ANO4: variants seen among roughly 807,000 people sequenced by gnomAD.
The protein encoded by ANO4 is anoctamin 4.
ANO4 carries 69 observed loss-of-function variants against 141.9 expected under a neutral mutation model. The ratio of observed to expected loss-of-function variants is 0.49; its 90% CI spans 0.40 to 0.59. The LOEUF (loss-of-function observed/expected upper bound fraction) is 0.59, where lower values mean the gene tolerates loss of function less well. Among genes scored for constraint, ANO4 ranks in the 20% least tolerant of loss-of-function variants. ANO4 has a pLI of 0.00. For missense variants in ANO4, 894 were observed against 1,162.2 expected (o/e 0.77, Z 3.36); for synonymous variants, 350 against 394.3 (o/e 0.89, Z 1.33).
chr12:100,892,473 C>G (rs1251491714), intron 1 of ANO4, among the ~76,000 whole-genome samples: 1 of 152,174 alleles, frequency 6.6e-6, no homozygotes, highest in Non-Finnish European at 1.5e-5. Flanking sequence ...TGAACACTCT[C>G]CAGACAAAAT....
At chr12:100,900,532 A>G (rs186570542) in intron 1 of ANO4, among the ~76,000 whole-genome samples, 5 of 140,766 alleles carry the variant, frequency 3.6e-5, no homozygotes, top group East Asian at 2.1e-4. Flanking sequence ...GTTCCCACCT[A>G]TGAGTGAGAA....
At chr12:100,899,068 TATAGAG>T (rs1413922448) in intron 1 of ANO4, among the ~76,000 whole-genome samples, 7 of 152,106 alleles carry the variant, frequency 4.6e-5, no homozygotes, top group Admixed American at 2.0e-4. Context: ...CTGTCCTACT[TATAGAG>T]AGAGACCTCT....
At chr12:100,861,002 C>T (rs1040811869) in intron 1 of ANO4, among the ~76,000 whole-genome samples, 2 of 152,236 alleles carry the variant, frequency 1.3e-5, no homozygotes, top group East Asian at 1.9e-4. Context: ...TTGTGAAGAG[C>T]GAAAGAACAA....
At chr12:100,793,139 T>C (rs566788716), upstream of ANO4, among the ~76,000 whole-genome samples, 1 of 152,332 alleles carries the variant, frequency 6.6e-6, no homozygotes, top group South Asian at 2.1e-4. Flanking sequence ...GACTGTAAAC[T>C]TCTTGAAGGC....
intron 12 of ANO4, among the ~76,000 whole-genome samples, chr12:101,042,826 T>A (rs1183812650): frequency 1.3e-5 from 2 of 152,222 alleles, no homozygotes; most frequent in African/African-American, 4.8e-5. Context: ...TTATGAATTC[T>A]GTGTTTTTAC....
At chr12:100,886,862 A>G (rs1840672786) in intron 1 of ANO4, among the ~76,000 whole-genome samples, 1 of 152,168 alleles carries the variant, frequency 6.6e-6, no homozygotes, top group Non-Finnish European at 1.5e-5. Context: ...GAGATTACAT[A>G]GTCTACCTTG....
intron 22 of ANO4, among the ~76,000 whole-genome samples, chr12:101,101,227 C>A (rs1353539366): frequency 6.6e-6 from 1 of 152,200 alleles, no homozygotes; most frequent in Non-Finnish European, 1.5e-5. Flanking sequence ...TTCCTGACTT[C>A]TAACACCATA....
chr12:100,939,429 G>A lies in ANO4; in HGVS notation c.275G>A (p.Ser92Asn), dbSNP rs1172705821. Reference protein sequence around the residue: ...GNLTSTSDDASRLEAGGETVP... With the variant: ...GNLTSTSDDANRLEAGGETVP... ...CTGACTAGTACTTCAGATGATGCCA[G>A]CAGATTGGAAGCCGGGGGAGAGGTA... Residue 92 changes from serine (S) to asparagine (N), a missense_variant, in exon 4 of 28, where the codon AGC becomes AAC. Transcript: ENST00000392977. The A allele has an allele frequency of 1.2e-6, 2 of 1,613,462 alleles. No homozygotes were observed. Among genetic ancestry groups the A allele is most frequent in the African/African-American group, 1.3e-5 (1 of 74,904 alleles).
rs531215302 is a variant in ANO4, at chr12:100,901,733, G to A, written c.-53G>A. The stretch of plus-strand genomic sequence containing the variant: ...GCAAGCCGCCCAGCGTCACGTCGTC[G>A]CCTGCCTGTGGTCAGGCATTCCTCA... On this transcript the variant is annotated 5_prime_UTR_variant, in exon 2 of 28. Transcript: ENST00000392977. 1.0e-5 allele frequency: 16 copies of A among 1,551,770 alleles called. No homozygotes were observed. The highest frequency in any genetic ancestry group is 5.0e-5 in the Admixed American group (3 of 59,894).
intron 2 of ANO4, among the ~76,000 whole-genome samples, chr12:100,738,881 A>G (rs1284981038): frequency 6.6e-6 from 1 of 151,658 alleles, no homozygotes; most frequent in Non-Finnish European, 1.5e-5. Context: ...TCTAGTTCTC[A>G]TGCTGTATAT....
chr12:101,116,614 T>C, intron 24 of ANO4, 65 bp from the exon 25 acceptor site: 1 of 1,610,744 alleles, frequency 6.2e-7, no homozygotes, highest in East Asian at 2.2e-5. Context: ...AAGCAGGGTC[T>C]TCAGGGAACT....
chr12:100,942,549 T>C lies in ANO4; in HGVS notation c.456+14T>C. 1 of 1,608,428 alleles carries C rather than the reference T, an allele frequency of 6.2e-7. No individual in the cohort carries two copies. Among genetic ancestry groups the C allele is most frequent in the African/African-American group, 1.3e-5 (1 of 74,470 alleles). On this transcript the variant is annotated intron_variant, in intron 5 of 27. Coordinates refer to ENST00000392977, the MANE Select transcript of ANO4 (RefSeq NM_001286615.2). ...ATGGAGAAAGAGGTAAATAGTTTGC[T>C]TGGATGAGAAAAAAATATATACATA...
intron 3 of ANO4, among the ~76,000 whole-genome samples, chr12:100,750,207 T>C (rs549089612): frequency 6.6e-6 from 1 of 151,962 alleles, no homozygotes; most frequent in Non-Finnish European, 1.5e-5. Context: ...TGATCTTGGC[T>C]CACTGCAACT....
chr12:100,815,063 CAGAG>C (rs149346567), intron 1 of ANO4, among the ~76,000 whole-genome samples: 1 of 150,820 alleles, frequency 6.6e-6, no homozygotes, highest in East Asian at 1.9e-4. Flanking sequence ...GGGGGAGAAA[CAGAG>C]AGAGAGAGAG....
intron 14 of ANO4, chr12:101,069,287 A>G (rs944803711): frequency 2.4e-5 from 20 of 819,354 alleles, no homozygotes; most frequent in Non-Finnish European, 4.1e-5. Flanking sequence ...GCCAAACATC[A>G]CTTGCACTTA....
chr12:100,813,925 G>C (rs183107448), intron 1 of ANO4, among the ~76,000 whole-genome samples: 44 of 152,104 alleles, frequency 2.9e-4, no homozygotes, highest in African/African-American at 1.0e-3. Flanking sequence ...TGAATCTTTG[G>C]GCCATGCGTG....
chr12:101,051,003 C>A (rs998859183), intron 14 of ANO4, among the ~76,000 whole-genome samples: 11 of 152,202 alleles, frequency 7.2e-5, no homozygotes, highest in African/African-American at 2.4e-4. Flanking sequence ...TCACCAATTT[C>A]AAATATACTT....
chr12:101,068,560 AG>A, intron 14 of ANO4: 1 of 1,356,916 alleles, frequency 7.4e-7, no homozygotes, highest in Non-Finnish European at 1.1e-6. Flanking sequence ...AAAATACTAA[AG>A]AGATGTTTGG....
chr12:100,898,975 C>G (rs1593683246), intron 1 of ANO4, among the ~76,000 whole-genome samples: 1 of 152,140 alleles, frequency 6.6e-6, no homozygotes, highest in Non-Finnish European at 1.5e-5. Context: ...GGAACATGCA[C>G]CAGTGGCACA....
Sources: gnomAD v4.1 joint callset for allele counts (sites outside exome capture counted in the v4.1 genomes callset) on GRCh38, gnomAD v4.1.1 for gene constraint, MANE v1.5 for transcripts, NCBI Gene and HGNC (gene_info 2026-07-23, HGNC 2026-07-21) for gene names.